CRLS1: variants seen among roughly 807,000 people sequenced by gnomAD.
CRLS1 encodes cardiolipin synthase 1.
In CRLS1, 24 loss-of-function variants were observed where a neutral mutation model predicts 37.0. That is an observed-to-expected ratio of 0.65 (90% CI 0.47 to 0.91). The LOEUF is 0.91. Ranked by LOEUF, CRLS1 falls within the 40% of genes least tolerant of loss-of-function variation. The probability of loss-of-function intolerance (pLI) is 0.00; values close to 1 mark genes in which losing one functional copy is unlikely to be tolerated. For synonymous variants in CRLS1, 135 were observed against 159.7 expected (o/e 0.85, Z 1.17); for missense variants, 373 against 395.8 (o/e 0.94, Z 0.49).
chr20:6,030,859 C>T (rs1600387103), intron 3 of CRLS1, among the ~76,000 whole-genome samples: 1 of 152,338 alleles, frequency 6.6e-6, no homozygotes, highest in Admixed American at 6.5e-5. Flanking sequence ...TCCTTCTCCA[C>T]CTCTTTATAA....
Position 6,020,724 on chromosome 20 carries a change from G to A in CRLS1, c.574+5234G>A, listed in dbSNP as rs528940016. ...TGCAAGCTCTGCCTCCTGGGTTCAC[G>A]CCATTCTCCTACCTCAGCCTCCCGA... is the stretch of plus-strand genomic sequence containing the variant. On this transcript the variant is annotated intron_variant, in intron 3 of 6. Coordinates refer to ENST00000378863, the MANE Select transcript of CRLS1 (RefSeq NM_019095.6). Among the ~76,000 whole-genome samples the A allele has an allele frequency of 1.2e-4, 18 of 151,320 alleles. No homozygotes were observed. In the East Asian group the frequency reaches 3.1e-3, roughly 26 times the overall value.
chr20:6,032,216 G>C, intron 5 of CRLS1, 136 bp downstream of exon 5: 1 of 643,034 alleles, frequency 1.6e-6, no homozygotes, highest in Non-Finnish European at 2.7e-6. Context: ...GTAGCGTTGG[G>C]CAGGCAGTTT....
intron 3 of CRLS1, among the ~76,000 whole-genome samples, chr20:6,022,675 G>C (rs1979374052): frequency 6.6e-6 from 1 of 151,966 alleles, no homozygotes; most frequent in Non-Finnish European, 1.5e-5. Flanking sequence ...CTTTCTTGTG[G>C]CTATTTTTAA....
intron 6 of CRLS1, 67 bp from the exon 7 acceptor site, chr20:6,037,007 T>C (rs1208068240): frequency 9.0e-7 from 1 of 1,108,508 alleles, no homozygotes; most frequent in African/African-American, 1.5e-5. Flanking sequence ...ATGTATTCAT[T>C]ATGATTCCCG....
intron 2 of CRLS1, among the ~76,000 whole-genome samples, chr20:6,012,593 G>A (rs1322584859): frequency 6.6e-6 from 1 of 152,166 alleles, no homozygotes; most frequent in Non-Finnish European, 1.5e-5. Flanking sequence ...TCTGTGATGG[G>A]CAACACTTGA....
intron 1 of CRLS1, chr20:6,006,832 A>G: frequency 1.0e-6 from 1 of 984,770 alleles, no homozygotes; most frequent in East Asian, 1.1e-4. Flanking sequence ...TGCATTGATA[A>G]AGGTAGCCTT....
intron 5 of CRLS1, among the ~76,000 whole-genome samples, chr20:6,033,071 A>G (rs768652410): frequency 1.3e-5 from 2 of 150,336 alleles, no homozygotes; most frequent in Admixed American, 6.6e-5. Flanking sequence ...TAAAATTTAC[A>G]TTTTATTTTA....
At chr20:6,007,410 G>A (rs2090073385) in intron 1 of CRLS1, 1 of 1,613,430 alleles carries the variant, frequency 6.2e-7, no homozygotes, top group Non-Finnish European at 8.5e-7. Context: ...GTATGCCACA[G>A]GTTATCTGGT....
In CRLS1 at chr20:6,032,025, AG is replaced by A. The variant is rs1278609520; in HGVS notation, c.675del (p.Lys225AsnfsTer12). ...GTCCTCTGCCAGCGAACACTTGCCAAGTATTTCAATCCTTGCTATGCCACTG... is the reference window on the plus strand; with the variant it reads ...GTCCTCTGCCAGCGAACACTTGCCAATATTTCAATCCTTGCTATGCCACTG... ...RTLPTPRTLA[K>X]YFNPCYATAR... On this transcript the variant is annotated frameshift_variant, in exon 5 of 7. Transcript: ENST00000378863. LOFTEE classifies it high-confidence loss of function. The A allele has an allele frequency of 1.2e-6, 2 of 1,612,608 alleles. No homozygotes were observed. The highest frequency in any genetic ancestry group is 2.7e-5 in the African/African-American group (2 of 74,926).
rs1387460619 is a variant in CRLS1, at chr20:6,007,299, AC to A, written c.306+748del. The A allele has an allele frequency of 5.7e-6, 9 of 1,574,798 alleles. No homozygotes were observed. The East Asian group carries it at 1.8e-4, about 32-fold the overall frequency. The stretch of plus-strand genomic sequence containing the variant: ...TGGCCAGATCCTGGCAGGGGTCTCA[AC>A]TCCACTGATAGCTAAAGCATGTTGG... On this transcript the variant is annotated intron_variant, in intron 1 of 6. Transcript: ENST00000378863.
chr20:6,007,280 G>C, intron 1 of CRLS1: 2 of 1,558,498 alleles, frequency 1.3e-6, no homozygotes, highest in Non-Finnish European at 1.7e-6. Flanking sequence ...GAGGTGGCCA[G>C]ATCCTGGCAG....
At chr20:6,024,649 C>T (rs2122987479) in intron 3 of CRLS1, among the ~76,000 whole-genome samples, 1 of 152,314 alleles carries the variant, frequency 6.6e-6, no homozygotes, top group Admixed American at 6.5e-5. Flanking sequence ...GTGAGGAGGG[C>T]ATTTCGAAAG....
rs773825287 is a variant in CRLS1 at position 6,037,057 on chromosome 20, C to G, written c.822-17C>G. On this transcript the variant is annotated splice_polypyrimidine_tract_variant and intron_variant, in intron 6 of 6. Transcript: ENST00000378863. The stretch of plus-strand genomic sequence containing the variant: ...TAGACTTGACAACTACATTTTATTT[C>G]TTTTCTTCCATAAAAGGTGTTTTAC... The G allele has an allele frequency of 1.3e-6, 2 of 1,586,460 alleles. No homozygotes were observed. Among genetic ancestry groups the G allele is most frequent in the African/African-American group, 1.3e-5 (1 of 74,312 alleles).
At position 6,031,229 on chromosome 20, in the gene CRLS1, T is replaced by A. The variant is rs1980140371; in HGVS notation, c.575-56T>A. 2.7e-6 allele frequency: 3 copies of A among 1,099,248 alleles called. No homozygotes were observed. The African/African-American group carries it at 4.7e-5, about 17-fold the overall frequency. The allele number at this position is 1,099,248 out of a possible 1,614,324, so 68.1% of individuals were successfully genotyped here. On this transcript the variant is annotated intron_variant, in intron 3 of 6. Transcript: ENST00000378863. The stretch of plus-strand genomic sequence containing the variant: ...GAATGACATATTATTGTATTCATAA[T>A]GCATATTAGTACTCTTCAGAATCCC...
intron 3 of CRLS1, among the ~76,000 whole-genome samples, chr20:6,016,593 CAA>C (rs1171013702): frequency 6.6e-6 from 1 of 152,092 alleles, no homozygotes; most frequent in Non-Finnish European, 1.5e-5. Flanking sequence ...GCCATTTTTT[CAA>C]AGTTACATTG....
intron 3 of CRLS1, among the ~76,000 whole-genome samples, chr20:6,029,811 C>T (rs1980010122): frequency 6.6e-6 from 1 of 152,180 alleles, no homozygotes; most frequent in African/African-American, 2.4e-5. Context: ...CTCCAAATGC[C>T]GTGACTTGAG....
At chr20:6,012,901 G>T (rs1005100568) in intron 2 of CRLS1, among the ~76,000 whole-genome samples, 1 of 152,186 alleles carries the variant, frequency 6.6e-6, no homozygotes, top group African/African-American at 2.4e-5. Context: ...CCAGAAAGTG[G>T]AGAAAGTGCT....
intron 2 of CRLS1, 81 bp from the exon 3 acceptor site, chr20:6,015,280 C>A (rs1978649416): frequency 1.2e-6 from 1 of 806,392 alleles, no homozygotes; most frequent in South Asian, 2.2e-5. Context: ...AATTGTTATT[C>A]TGGTATATCT....
intron 5 of CRLS1, among the ~76,000 whole-genome samples, chr20:6,032,993 G>A (rs937970676): frequency 1.3e-5 from 2 of 151,942 alleles, no homozygotes; most frequent in Non-Finnish European, 2.9e-5. Flanking sequence ...TGAGTGTAGC[G>A]TTACATGGAA....
Sources: allele counts gnomAD v4.1 joint callset (sites outside exome capture counted in the v4.1 genomes callset), GRCh38; gene constraint gnomAD v4.1.1; transcripts MANE v1.5; gene names NCBI Gene and HGNC (gene_info 2026-07-23, HGNC 2026-07-21).